The following DOP1A variants were observed in gnomAD, a reference collection of about 807,000 sequenced individuals.
DOP1A encodes the protein protein DOP1A.
In DOP1A, 90 loss-of-function variants were observed where a neutral mutation model predicts 267.6. The observed-to-expected ratio is 0.34, with a 90% confidence interval of 0.28 to 0.40. The LOEUF (loss-of-function observed/expected upper bound fraction) is 0.40, where lower values mean the gene tolerates loss of function less well. Ranked by LOEUF, DOP1A falls within the 10% of genes least tolerant of loss-of-function variation. The probability of loss-of-function intolerance (pLI) is 1.00; values close to 1 mark genes in which losing one functional copy is unlikely to be tolerated. For missense variants in DOP1A, 2,437 were observed against 2,900.4 expected, an observed-to-expected ratio of 0.84 and a Z score of 3.67; for synonymous variants, 932 against 999.1, an observed-to-expected ratio of 0.93 and a Z score of 1.27.
chr6:83,075,132 C>G (rs1338070875), intron 1 of DOP1A, among the ~76,000 whole-genome samples: 6 of 152,112 alleles, frequency 3.9e-5, no homozygotes, highest in Non-Finnish European at 5.9e-5. Flanking sequence ...CTATTCTGTG[C>G]CTTGCTTCTT....
chr6:83,167,438 G>A (rs1786024404), intron 38 of DOP1A: 1 of 981,362 alleles, frequency 1.0e-6, no homozygotes, highest in African/African-American at 1.8e-5. Context: ...TATAATAAAA[G>A]GGGATATATT....
rs1056118971 is a variant in DOP1A at position 83,129,977 on chromosome 6, A to T, written c.2342-146A>T. 6.6e-6 allele frequency: 6 copies of T among 910,850 alleles called. No homozygotes were observed. The African/African-American group carries it at 1.0e-4, about 15-fold the overall frequency. 56.4% of individuals were successfully genotyped at this position (910,850 alleles called of 1,614,324 possible). On this transcript the variant is annotated intron_variant, in intron 16 of 38. Coordinates refer to ENST00000349129, the MANE Select transcript of DOP1A (RefSeq NM_015018.4). ...GAAATTCTTGTTGCTACTTTATTAA[A>T]GCTCTAGACTAGGTGAGAAACCATG...
At chr6:83,101,831 T>A (rs9449574) in intron 4 of DOP1A, among the ~76,000 whole-genome samples, 4,326 of 152,304 alleles carry the variant, frequency 0.028, 153 homozygotes, top group East Asian at 0.084. Context: ...GATAAACAAA[T>A]TAACATAGCC....
rs1777031712 is a variant in DOP1A, at chr6:83,125,542, C to G, written c.1528C>G (p.Leu510Val). The change falls in exon 15 of 39, where the codon CTG (leucine) becomes GTG (valine). Residue 510 changes from leucine (L) to valine (V), a missense_variant. Around this residue, in one of 9 missense-constraint regions of DOP1A, gnomAD observed 498 missense variants for 513.5 expected, o/e 0.97. Coordinates refer to ENST00000349129, the MANE Select transcript of DOP1A (RefSeq NM_015018.4). ...CCAGACAGAACACTTGCCCCAGTTG[C>G]TGCTCAGAATGATTTCTGCCTTGAC... ...EIQTEHLPQLLLRMISALTSH... is the reference protein window; with the variant it reads ...EIQTEHLPQLVLRMISALTSH... 1 of 1,613,694 alleles carries G rather than the reference C, an allele frequency of 6.2e-7. No individual in the cohort carries two copies. The highest frequency in any genetic ancestry group is 1.1e-5 in the South Asian group (1 of 91,058).
At chr6:83,071,315 T>C (rs569813659) in intron 1 of DOP1A, among the ~76,000 whole-genome samples, 5 of 152,248 alleles carry the variant, frequency 3.3e-5, no homozygotes, top group Admixed American at 1.3e-4. Context: ...CAAGGTATTC[T>C]CCTGCCTCAG....
intron 36 of DOP1A, 198 bp from the exon 37 acceptor site, chr6:83,159,598 T>C (rs954086133): frequency 1.3e-5 from 8 of 639,932 alleles, no homozygotes; most frequent in Non-Finnish European, 1.9e-5. Context: ...GTCTATGTAC[T>C]GTTTTTGCAT....
At position 83,113,348 on chromosome 6, in the gene DOP1A, A is replaced by G; in HGVS notation, c.707A>G (p.Gln236Arg). Residue 236 changes from glutamine (Q) to arginine (R), a missense_variant, in exon 7 of 39, where the codon CAG (glutamine) becomes CGG (arginine). This residue lies in a region of DOP1A where 251 missense variants were observed against 359.1 expected (regional missense o/e 0.70). Coordinates refer to ENST00000349129, the MANE Select transcript of DOP1A (RefSeq NM_015018.4). ...GTAGAAGCAGTAAGTACTTCAGTGC[A>G]GGACTCAAGTGTACTTGTACAGAGA... ...LMVEAVSTSV[Q>R]DSSVLVQRST... The G allele has an allele frequency of 6.2e-7, 1 of 1,613,472 alleles. No individual in the cohort carries two copies. Among genetic ancestry groups the G allele is most frequent in the Non-Finnish European group, 8.5e-7 (1 of 1,179,598 alleles).
intron 35 of DOP1A, 133 bp downstream of exon 35, chr6:83,157,451 T>C: frequency 2.1e-6 from 2 of 954,212 alleles, no homozygotes; most frequent in Non-Finnish European, 3.2e-6. Flanking sequence ...TGATGCTTTT[T>C]ACAGTTGAAA....
At chr6:83,157,144 A>C in intron 34 of DOP1A, 38 bp from the exon 35 acceptor site, 1 of 1,600,130 alleles carries the variant, frequency 6.2e-7, no homozygotes, top group South Asian at 1.1e-5. Flanking sequence ...TGTGATAAAG[A>C]TTATTTAGTT....
intron 26 of DOP1A, among the ~76,000 whole-genome samples, 176 bp from the exon 27 acceptor site, chr6:83,148,583 G>A (rs569428269): frequency 1.8e-3 from 275 of 152,154 alleles, no homozygotes; most frequent in Non-Finnish European, 2.5e-3. Flanking sequence ...TTAAAAAAAA[G>A]AAAGAAATTG....
chr6:83,114,436 T>C (rs1215131271), intron 7 of DOP1A, among the ~76,000 whole-genome samples: 3 of 152,076 alleles, frequency 2.0e-5, no homozygotes, highest in African/African-American at 7.3e-5. Flanking sequence ...CAGCAGCTCA[T>C]AAGTTAAGAA....
chr6:83,126,011 G>A (rs1185111329), intron 15 of DOP1A, among the ~76,000 whole-genome samples: 1 of 151,712 alleles, frequency 6.6e-6, no homozygotes, highest in Non-Finnish European at 1.5e-5. Flanking sequence ...TTTAATTCTA[G>A]TTTATTTGGA....
At chr6:83,120,612 A>G in intron 9 of DOP1A, 71 bp from the exon 10 acceptor site, 1 of 1,292,870 alleles carries the variant, frequency 7.7e-7, no homozygotes, top group Non-Finnish European at 1.1e-6. Flanking sequence ...GCATTTAAAA[A>G]TACTTTTTCT....
chr6:83,070,403 A>C (rs777914419), intron 1 of DOP1A, among the ~76,000 whole-genome samples: 1 of 152,246 alleles, frequency 6.6e-6, no homozygotes, highest in Non-Finnish European at 1.5e-5. Context: ...AATCTCAATG[A>C]CCTTTCATTG....
chr6:83,077,063 A>G (rs1055347576), intron 1 of DOP1A, among the ~76,000 whole-genome samples: 1 of 152,242 alleles, frequency 6.6e-6, no homozygotes, highest in Non-Finnish European at 1.5e-5. Flanking sequence ...AGGTATCTAA[A>G]GTAGTCAAAT....
rs1448713199 is a variant in DOP1A, at chr6:83,135,891, T to C, written c.3130+13T>C. On this transcript the variant is annotated intron_variant, in intron 20 of 38. Coordinates refer to ENST00000349129, the MANE Select transcript of DOP1A (RefSeq NM_015018.4). Reference sequence around the variant, plus strand: ...GCCTGCAGCAATGGTGAATAACACATAGAAGTAGACAGCTTTATTTAGAAT... The same window carrying C: ...GCCTGCAGCAATGGTGAATAACACACAGAAGTAGACAGCTTTATTTAGAAT... The C allele has an allele frequency of 9.9e-6, 16 of 1,612,354 alleles. No individual in the cohort carries two copies. Among genetic ancestry groups the C allele is most frequent in the Middle Eastern group, 3.3e-4 (2 of 6,054 alleles).
intron 7 of DOP1A, 85 bp downstream of exon 7, chr6:83,113,506 G>T (rs1202571978): frequency 2.8e-6 from 3 of 1,075,840 alleles, no homozygotes; most frequent in African/African-American, 3.1e-5. Flanking sequence ...AAAGGCATGT[G>T]TGTTGAATTC....
chr6:83,107,239 G>C (rs1773776929), intron 4 of DOP1A, among the ~76,000 whole-genome samples: 1 of 151,898 alleles, frequency 6.6e-6, no homozygotes, highest in African/African-American at 2.4e-5. Context: ...AGTTCGGAAA[G>C]AAAAATTACA....
At chr6:83,170,635 A>G (rs1786894171), downstream of DOP1A, 2 of 626,522 alleles carry the variant, frequency 3.2e-6, no homozygotes, top group South Asian at 4.7e-5. Flanking sequence ...ACATTTGTGC[A>G]ACTTTTCTCT....
Sources: allele counts gnomAD v4.1 joint callset (sites outside exome capture counted in the v4.1 genomes callset), GRCh38; gene constraint gnomAD v4.1.1; regional missense constraint gnomAD v4.1.1; transcripts MANE v1.5; gene names NCBI Gene and HGNC (gene_info 2026-07-23, HGNC 2026-07-21).